Variants in MICAL2 observed in about 807,000 individuals in gnomAD.
MICAL2 encodes microtubule associated monooxygenase, calponin and LIM domain containing 2.
Under a neutral mutation model 127.3 loss-of-function variants are expected in MICAL2, and 77 were observed. The observed-to-expected ratio is 0.60, with a 90% CI of 0.50 to 0.73. The LOEUF (loss-of-function observed/expected upper bound fraction) is 0.73. Ranked by LOEUF, MICAL2 falls within the 30% of genes least tolerant of loss-of-function variation. MICAL2 has a pLI of 0.00. For missense variants in MICAL2, 1,351 were observed against 1,434.4 expected, an observed-to-expected ratio of 0.94 and a Z score of 0.94; for synonymous variants, 570 against 551.1, an observed-to-expected ratio of 1.03 and a Z score of -0.48.
exon 30 of MICAL2, chr11:12,319,705 A>T (rs766072687): frequency 8.1e-6 from 13 of 1,613,220 alleles, no homozygotes; most frequent in Admixed American, 6.7e-5. Flanking sequence ...GACTCCAAGA[A>T]CTTTCCCCTC....
chr11:12,214,848 A>G (rs1011839698), intron 7 of MICAL2, among the ~76,000 whole-genome samples: 1 of 150,190 alleles, frequency 6.7e-6, no homozygotes, highest in Admixed American at 6.6e-5. Flanking sequence ...CACACACACA[A>G]CTTGCTGACC....
intron 3 of MICAL2, among the ~76,000 whole-genome samples, chr11:12,197,094 C>A (rs2134069268): frequency 6.6e-6 from 1 of 152,342 alleles, no homozygotes; most frequent in African/African-American, 2.4e-5. Context: ...TAGTTCCCAG[C>A]CAATTTCCTG....
intron 29 of MICAL2, among the ~76,000 whole-genome samples, chr11:12,314,211 G>T (rs1864206470): frequency 6.6e-6 from 1 of 151,176 alleles, no homozygotes; most frequent in African/African-American, 2.4e-5. Context: ...TCCGTTTACT[G>T]TTTGTTTTTC....
chr11:12,307,696 G>A (rs11022288), intron 29 of MICAL2, among the ~76,000 whole-genome samples: 70,128 of 151,868 alleles, frequency 0.46, 18,114 homozygotes, highest in Non-Finnish European at 0.59. Flanking sequence ...TAATTGCTTC[G>A]GTACCACTTG....
chr11:12,127,098 T>C (rs1850988977), intron 1 of MICAL2, among the ~76,000 whole-genome samples: 1 of 151,892 alleles, frequency 6.6e-6, no homozygotes, highest in African/African-American at 2.4e-5. Context: ...AGAGATTGAG[T>C]TGGAGTGTGT....
chr11:12,147,294 C>A (rs929399050), intron 2 of MICAL2, among the ~76,000 whole-genome samples: 3 of 152,116 alleles, frequency 2.0e-5, no homozygotes, highest in African/African-American at 7.2e-5. Flanking sequence ...GCAGTTCCAT[C>A]CCTCCTGAGC....
chr11:12,174,106 T>G (rs188187896), intron 3 of MICAL2, among the ~76,000 whole-genome samples: 2 of 152,292 alleles, frequency 1.3e-5, no homozygotes, highest in Admixed American at 1.3e-4. Flanking sequence ...AAAGTAGATT[T>G]ACATATCCAA....
At chr11:12,329,791 T>G (rs1864393909) in intron 32 of MICAL2, among the ~76,000 whole-genome samples, 1 of 151,390 alleles carries the variant, frequency 6.6e-6, no homozygotes, top group African/African-American at 2.4e-5. Flanking sequence ...TAATTTTTAC[T>G]GCTTGAAATT....
chr11:12,169,615 C>A (rs10831745), intron 3 of MICAL2, among the ~76,000 whole-genome samples: 64,213 of 152,058 alleles, frequency 0.42, 14,286 homozygotes, highest in East Asian at 0.58. Context: ...CAAACTCCTG[C>A]CCTTGTGATC....
chr11:12,257,275 T>C (rs1862457944), intron 24 of MICAL2: 1 of 299,830 alleles, frequency 3.3e-6, no homozygotes, highest in East Asian at 5.6e-5. Context: ...ATTGTCCCTG[T>C]ATGGCCAAGA....
intron 2 of MICAL2, among the ~76,000 whole-genome samples, chr11:12,160,188 G>A (rs1384734573): frequency 6.6e-6 from 1 of 152,134 alleles, no homozygotes; most frequent in African/African-American, 2.4e-5. Flanking sequence ...GGCATCCAGT[G>A]TCTGAGACCT....
intron 32 of MICAL2, among the ~76,000 whole-genome samples, chr11:12,342,253 A>G (rs1938878922): frequency 6.6e-6 from 1 of 152,230 alleles, no homozygotes; most frequent in Non-Finnish European, 1.5e-5. Context: ...AGTCCCAGCC[A>G]TGCCCTGAAA....
intron 1 of MICAL2, among the ~76,000 whole-genome samples, chr11:12,133,733 T>C (rs909045273): frequency 5.9e-5 from 9 of 152,182 alleles, no homozygotes; most frequent in African/African-American, 2.2e-4. Flanking sequence ...AACCCACTGA[T>C]ACATGCCATC....
At chr11:12,295,271 C>A (rs1468271603), downstream of MICAL2, among the ~76,000 whole-genome samples, 1 of 151,756 alleles carries the variant, frequency 6.6e-6, no homozygotes, top group Non-Finnish European at 1.5e-5. Flanking sequence ...TCCCAAGTAG[C>A]TGGGATTACA....
At chr11:12,147,667 C>T (rs1039016215) in intron 2 of MICAL2, among the ~76,000 whole-genome samples, 1 of 152,218 alleles carries the variant, frequency 6.6e-6, no homozygotes, top group Non-Finnish European at 1.5e-5. Context: ...GGGAACTCTT[C>T]GTCTTCCCCA....
chr11:12,242,750 T>C lies in MICAL2; in HGVS notation c.2636T>C (p.Phe879Ser). The C allele has an allele frequency of 6.2e-7, 1 of 1,610,216 alleles. No individual in the cohort carries two copies. Among genetic ancestry groups the C allele is most frequent in the Non-Finnish European group, 8.5e-7 (1 of 1,178,762 alleles). Reference protein sequence around the residue: ...KEKAAHLASMFGHGDFPQNKL... With the variant: ...KEKAAHLASMSGHGDFPQNKL... Reference sequence around the variant, plus strand: ...AAGGCGGCTCACCTTGCCTCCATGTTTGGACACGGGGATTTCCCGCAGGTA... The same window carrying C: ...AAGGCGGCTCACCTTGCCTCCATGTCTGGACACGGGGATTTCCCGCAGGTA... Residue 879 changes from phenylalanine (F) to serine (S), a missense_variant, in exon 20 of 28, where the codon TTT (phenylalanine) becomes TCT (serine). Phe to Ser is a radical substitution (Grantham distance 155). This residue lies in a region of MICAL2 where 752 missense variants were observed against 719.4 expected (regional missense o/e 1.05). Transcript: ENST00000683283.
chr11:12,186,702 C>A, intron 3 of MICAL2, among the ~76,000 whole-genome samples: 1 of 152,166 alleles, frequency 6.6e-6, no homozygotes, highest in East Asian at 1.9e-4. Context: ...CTTACGGGCT[C>A]AAGAGCCTAC....
Position 12,202,974 on chromosome 11 carries a change from T to G in MICAL2, c.265-1276T>G, listed in dbSNP as rs767509816. 2.0e-4 allele frequency among the ~76,000 whole-genome samples: 31 copies of G among 152,242 alleles called. 1 individual carries two copies. The highest frequency in any genetic ancestry group is 7.2e-4 in the Admixed American group (11 of 15,278). ...CATTTCCTGGCAATCACTAATCCAC[T>G]TTTGTCTCATGGATTTGCCTATTCT... On this transcript the variant is annotated intron_variant, in intron 3 of 27. Transcript: ENST00000683283.
intron 32 of MICAL2, among the ~76,000 whole-genome samples, chr11:12,338,710 A>T (rs1339996408): frequency 3.3e-5 from 5 of 152,128 alleles, no homozygotes; most frequent in Non-Finnish European, 7.4e-5. Flanking sequence ...TCCTTCACTT[A>T]TGAAGCTTAG....
Sources: gnomAD v4.1 joint callset for allele counts (sites outside exome capture counted in the v4.1 genomes callset) on GRCh38, gnomAD v4.1.1 for gene constraint, gnomAD v4.1.1 regional missense constraint, MANE v1.5 for transcripts, NCBI Gene and HGNC (gene_info 2026-07-23, HGNC 2026-07-21) for gene names.